Variants in TOX observed in about 807,000 individuals in gnomAD.
The protein encoded by TOX is thymocyte selection-associated high mobility group box protein TOX.
In TOX, 11 loss-of-function variants were observed where a neutral mutation model predicts 53.7. The ratio of observed to expected loss-of-function variants is 0.20; its 90% CI spans 0.13 to 0.34. The LOEUF is 0.34. Among genes scored for constraint, TOX ranks in the 10% least tolerant of loss-of-function variants. The pLI, the probability that TOX is intolerant of heterozygous loss-of-function variation, is 1.00. For synonymous variants in TOX, 225 were observed against 245.3 expected, an observed-to-expected ratio of 0.92 and a Z score of 0.77; for missense variants, 570 against 664.6, an observed-to-expected ratio of 0.86 and a Z score of 1.56.
intron 1 of TOX, among the ~76,000 whole-genome samples, chr8:59,062,010 ATTCCAAGAAGAGGC>A (rs1803994730): frequency 6.6e-6 from 1 of 152,216 alleles, no homozygotes; most frequent in Non-Finnish European, 1.5e-5. Flanking sequence ...TGTCCTAAAC[ATTCCAAGAAGAGGC>A]TTCCTGTATA....
intron 3 of TOX, among the ~76,000 whole-genome samples, chr8:58,909,365 T>G (rs913386886): frequency 5.3e-5 from 8 of 152,082 alleles, no homozygotes; most frequent in South Asian, 2.1e-4. Context: ...TAAATGAAAT[T>G]AAATTAAAAA....
Position 58,851,871 on chromosome 8 carries a change from A to C in TOX, c.412-66T>G. 3 of 1,223,452 alleles carry C rather than the reference A, an allele frequency of 2.5e-6. No individual in the cohort carries two copies. Among genetic ancestry groups the C allele is most frequent in the Middle Eastern group, 3.2e-4 (1 of 3,144 alleles). 75.8% of individuals were successfully genotyped at this position (1,223,452 alleles called of 1,614,324 possible). ...AATAGGAAAGGAGTAATTTTAACAA[A>C]TATGTTTTGGGCAAAAAAGTAATAA... is the stretch of plus-strand genomic sequence containing the variant. On this transcript the variant is annotated intron_variant, in intron 3 of 8. Transcript: ENST00000361421. The surrounding 1 kb of genome is among the most constrained non-coding windows in gnomAD (Gnocchi z 4.4).
chr8:58,920,721 T>TAAAAAAAAA (rs5891703), intron 3 of TOX, among the ~76,000 whole-genome samples: 13 of 80,970 alleles, frequency 1.6e-4, no homozygotes, highest in South Asian at 5.7e-4. Flanking sequence ...AAAAAAACAT[T>TAAAAAAAAA]AAAAAAAAAA....
At chr8:59,056,759 G>T (rs1388404126) in intron 1 of TOX, among the ~76,000 whole-genome samples, 2 of 152,182 alleles carry the variant, frequency 1.3e-5, no homozygotes, top group African/African-American at 4.8e-5. Context: ...AAAACCAACT[G>T]TGCATGCTTC....
At chr8:59,007,370 G>A (rs1813810764) in intron 1 of TOX, among the ~76,000 whole-genome samples, 1 of 152,190 alleles carries the variant, frequency 6.6e-6, no homozygotes, top group Non-Finnish European at 1.5e-5. Context: ...AAATGGCACT[G>A]CTAAGCAGCA....
intron 2 of TOX, among the ~76,000 whole-genome samples, chr8:58,943,615 T>TAAA (rs752767981): frequency 2.3e-5 from 3 of 130,912 alleles, no homozygotes; most frequent in Admixed American, 7.6e-5. Context: ...TTTTTTTTTC[T>TAAA]AAAAAAAAAA....
At chr8:58,986,073 T>G (rs1372102079) in intron 1 of TOX, among the ~76,000 whole-genome samples, 1 of 152,206 alleles carries the variant, frequency 6.6e-6, no homozygotes, top group Non-Finnish European at 1.5e-5. Flanking sequence ...CTAGTCTGAG[T>G]GCACTTTCAT....
intron 1 of TOX, among the ~76,000 whole-genome samples, chr8:59,015,390 G>A (rs1178097528): frequency 6.6e-6 from 1 of 152,152 alleles, no homozygotes; most frequent in Non-Finnish European, 1.5e-5. Flanking sequence ...AAAAGCTAGA[G>A]CTGAATTCCC....
intron 1 of TOX, among the ~76,000 whole-genome samples, chr8:59,058,277 G>C (rs1213158482): frequency 6.6e-6 from 1 of 152,180 alleles, no homozygotes; most frequent in Non-Finnish European, 1.5e-5. Flanking sequence ...TTCTGGGTGA[G>C]CTGAGCTTGG....
rs1056566971 is a variant in TOX, at chr8:59,012,806, A to G, written c.103-52798T>C. 2.6e-5 allele frequency among the ~76,000 whole-genome samples: 4 copies of G among 152,090 alleles called. No homozygotes were observed. In the East Asian group the frequency reaches 7.7e-4, roughly 29 times the overall value. ...GACTCACCATCTTTCAACTTTACCA[A>G]GAAAGAAACTGAGACACAGACTAAA... On this transcript the variant is annotated intron_variant, in intron 1 of 8. Transcript: ENST00000361421.
intron 1 of TOX, among the ~76,000 whole-genome samples, chr8:59,108,276 C>T (rs1486619915): frequency 6.6e-6 from 1 of 152,178 alleles, no homozygotes. Flanking sequence ...CAATTGCTTG[C>T]CAGAGTTGTC....
At chr8:58,939,819 A>G (rs1279059128) in intron 2 of TOX, among the ~76,000 whole-genome samples, 5 of 152,220 alleles carry the variant, frequency 3.3e-5, no homozygotes, top group Non-Finnish European at 7.3e-5. Flanking sequence ...GTTCCCATTA[A>G]AATTTTCCAG....
chr8:59,033,550 C>T (rs1243790446), intron 1 of TOX, among the ~76,000 whole-genome samples: 2 of 152,034 alleles, frequency 1.3e-5, no homozygotes, highest in Admixed American at 1.3e-4. Context: ...TGAATTTTTC[C>T]ACAATAATAA....
At chr8:59,067,235 T>A (rs957762849) in intron 1 of TOX, among the ~76,000 whole-genome samples, 1 of 152,180 alleles carries the variant, frequency 6.6e-6, no homozygotes, top group Non-Finnish European at 1.5e-5. Flanking sequence ...AAAGATGTGC[T>A]TAAACAATGC....
At chr8:59,027,462 A>T (rs74304453) in intron 1 of TOX, among the ~76,000 whole-genome samples, 91 of 142,728 alleles carry the variant, frequency 6.4e-4, no homozygotes, top group East Asian at 1.8e-3. Context: ...TTTTTTTTTT[A>T]AATTTTTCAA....
chr8:59,049,034 AC>A (rs529397947), intron 1 of TOX, among the ~76,000 whole-genome samples: 32 of 151,918 alleles, frequency 2.1e-4, no homozygotes, highest in African/African-American at 7.7e-4. Flanking sequence ...AATCTATTCC[AC>A]TGACTCATTT....
intron 4 of TOX, among the ~76,000 whole-genome samples, chr8:58,849,631 G>GA (rs1810775655): frequency 6.6e-6 from 1 of 152,138 alleles, no homozygotes; most frequent in African/African-American, 2.4e-5. Context: ...GGAAGACTGT[G>GA]AAAAATGTTA....
At chr8:59,013,364 T>C (rs1478565655) in intron 1 of TOX, among the ~76,000 whole-genome samples, 1 of 152,082 alleles carries the variant, frequency 6.6e-6, no homozygotes, top group Admixed American at 6.5e-5. Context: ...AAGTTATCAT[T>C]TGATAATTTA....
In TOX at chr8:58,807,752, T is replaced by C. The variant is rs762619835; in HGVS notation, c.1576A>G (p.Thr526Ala). The C allele has an allele frequency of 6.2e-7, 1 of 1,614,110 alleles. No individual in the cohort carries two copies. Among genetic ancestry groups the C allele is most frequent in the South Asian group, 1.1e-5 (1 of 91,072 alleles). ...GMQRDKALYL[T>A] ...AAGAAGAGGTGTTCAGATTCTCAAG[T>C]AAGGTACAGTGCTTTGTCCCTCTGC... Residue 526 changes from threonine (T) to alanine (A), a missense_variant, in exon 9 of 9, where the codon ACT (threonine) becomes GCT (alanine). Around this residue, in one of 3 missense-constraint regions of TOX, gnomAD observed 239 missense variants for 250.7 expected, o/e 0.95. Transcript: ENST00000361421.
Sources: allele counts gnomAD v4.1 joint callset (sites outside exome capture counted in the v4.1 genomes callset), GRCh38; gene constraint gnomAD v4.1.1; regional missense constraint gnomAD v4.1.1; non-coding constraint Gnocchi (gnomAD v3.1); transcripts MANE v1.5; gene names NCBI Gene and HGNC (gene_info 2026-07-23, HGNC 2026-07-21).